The following SLC16A1 variants were observed in gnomAD, a reference collection of about 807,000 sequenced individuals.
SLC16A1 encodes the protein solute carrier family 16 member 1.
A neutral mutation model predicts 32.2 loss-of-function variants in SLC16A1; 11 were observed. That is an observed-to-expected ratio of 0.34 (90% CI 0.21 to 0.56). The LOEUF (loss-of-function observed/expected upper bound fraction) is 0.56. Among genes scored for constraint, SLC16A1 ranks in the 20% least tolerant of loss-of-function variants. SLC16A1 has a pLI of 0.87. For missense variants in SLC16A1, 435 were observed against 615.0 expected, an observed-to-expected ratio of 0.71 and a Z score of 3.10; for synonymous variants, 231 against 226.8, an observed-to-expected ratio of 1.02 and a Z score of -0.17.
intron 1 of SLC16A1, among the ~76,000 whole-genome samples, chr1:112,942,116 C>T (rs1014105126): frequency 2.0e-5 from 3 of 152,092 alleles, no homozygotes; most frequent in Non-Finnish European, 2.9e-5. Flanking sequence ...GGATTACAGG[C>T]GCGTGCCACC....
At chr1:112,934,323 C>A (rs971946610) in intron 1 of SLC16A1, among the ~76,000 whole-genome samples, 2 of 152,114 alleles carry the variant, frequency 1.3e-5, no homozygotes, top group Non-Finnish European at 2.9e-5. Context: ...CTGAAAAAAT[C>A]TGAAATCCAG....
rs1481020494 is a variant in SLC16A1, at chr1:112,912,859, T to C, written c.*1032A>G. 6.7e-6 allele frequency: 1 copy of C among 149,274 alleles called. No homozygotes were observed. The highest frequency in any genetic ancestry group is 1.9e-4 in the East Asian group (1 of 5,134). The allele number at this position is 149,274 out of a possible 1,614,324, so 9.2% of individuals were successfully genotyped here. ...ACCAAACACACACATATCTCACACA[T>C]AGCACTAAGCTAGAAGCAGATATAA... On this transcript the variant is annotated 3_prime_UTR_variant, in exon 5 of 5. Transcript: ENST00000369626.
intron 1 of SLC16A1, among the ~76,000 whole-genome samples, chr1:112,953,657 T>C (rs545456756): frequency 9.8e-4 from 150 of 152,354 alleles, no homozygotes; most frequent in African/African-American, 3.4e-3. Context: ...GACTTTTTTA[T>C]GCTTTAGCTT....
At chr1:112,925,941 G>T (rs543375876) in intron 2 of SLC16A1, among the ~76,000 whole-genome samples, 3 of 152,238 alleles carry the variant, frequency 2.0e-5, no homozygotes, top group East Asian at 3.9e-4. Context: ...AAAAGGATAG[G>T]CTGTAGCCCC....
At chr1:112,928,997 C>CT in intron 2 of SLC16A1, 95 bp downstream of exon 2, 1 of 890,188 alleles carries the variant, frequency 1.1e-6, no homozygotes, top group East Asian at 2.6e-5. Flanking sequence ...AAACATCTCA[C>CT]TGAATAAGAC....
At chr1:112,950,736 C>T (rs779214426) in intron 1 of SLC16A1, among the ~76,000 whole-genome samples, 68 of 152,210 alleles carry the variant, frequency 4.5e-4, no homozygotes, top group Non-Finnish European at 4.6e-4. Context: ...GTAGCTCACA[C>T]CTGTAATCCC....
chr1:112,943,541 A>G (rs553340135), intron 1 of SLC16A1, among the ~76,000 whole-genome samples: 25 of 152,158 alleles, frequency 1.6e-4, no homozygotes, highest in Non-Finnish European at 2.4e-4. Flanking sequence ...TAATCCCAGC[A>G]CTTTGGGAGG....
At chr1:112,943,726 T>C (rs1019433541) in intron 1 of SLC16A1, among the ~76,000 whole-genome samples, 1 of 144,856 alleles carries the variant, frequency 6.9e-6, no homozygotes, top group Non-Finnish European at 1.5e-5. Flanking sequence ...AGGCGGAGGT[T>C]GTGGTGAGCC....
intron 2 of SLC16A1, among the ~76,000 whole-genome samples, chr1:112,926,881 AAAATAAATAAAT>A (rs747249752): frequency 2.7e-5 from 4 of 148,282 alleles, no homozygotes; most frequent in East Asian, 3.9e-4. Flanking sequence ...ACCCTATCTC[AAAATAAATAAAT>A]AAATAAATAA....
intron 1 of SLC16A1, among the ~76,000 whole-genome samples, chr1:112,940,237 C>G (rs144760217): frequency 6.6e-6 from 1 of 151,666 alleles, no homozygotes. Flanking sequence ...GAAGTTTTGC[C>G]GTGTTTCACA....
chr1:112,950,059 C>A (rs1478276660), intron 1 of SLC16A1, among the ~76,000 whole-genome samples: 7 of 152,160 alleles, frequency 4.6e-5, no homozygotes, highest in Admixed American at 4.6e-4. Context: ...GACAAAGTCA[C>A]AGGTACTGCT....
chr1:112,924,289 C>T, intron 2 of SLC16A1: 1 of 1,434,342 alleles, frequency 7.0e-7, no homozygotes, highest in South Asian at 1.1e-5. Context: ...GTTGTGGAGG[C>T]CTTTAATCAA....
chr1:112,934,239 T>C (rs953226061), intron 1 of SLC16A1, among the ~76,000 whole-genome samples: 1 of 152,230 alleles, frequency 6.6e-6, no homozygotes, highest in Non-Finnish European at 1.5e-5. Flanking sequence ...AAAATACTCA[T>C]TGGAACATTT....
chr1:112,916,518 A>C (rs1174803884), intron 4 of SLC16A1, among the ~76,000 whole-genome samples: 3 of 151,286 alleles, frequency 2.0e-5, no homozygotes, highest in Admixed American at 2.0e-4. Flanking sequence ...AAAAAAAAAA[A>C]AAAACTTATG....
At chr1:112,933,860 A>G (rs1298054976) in intron 1 of SLC16A1, among the ~76,000 whole-genome samples, 1 of 152,206 alleles carries the variant, frequency 6.6e-6, no homozygotes, top group African/African-American at 2.4e-5. Flanking sequence ...TGAGCCAGCC[A>G]TTACAGTGTC....
Position 112,913,262 on chromosome 1 carries a change from G to A in SLC16A1, c.*629C>T, listed in dbSNP as rs540946001. 284 of 153,994 alleles carry A rather than the reference G, an allele frequency of 1.8e-3. No homozygotes were observed. The highest frequency in any genetic ancestry group is 3.2e-3 in the Non-Finnish European group (218 of 69,190). 9.5% of individuals were successfully genotyped at this position (153,994 alleles called of 1,614,324 possible). ...CCTGAGAGGGGTTGACAAGTACACT[G>A]TGTCTAGAACAGCCAAGATGTTGCC... is the stretch of plus-strand genomic sequence containing the variant. On this transcript the variant is annotated 3_prime_UTR_variant, in exon 5 of 5. Coordinates refer to ENST00000369626, the MANE Select transcript of SLC16A1 (RefSeq NM_003051.4).
chr1:112,939,246 G>A (rs1649420674), intron 1 of SLC16A1, among the ~76,000 whole-genome samples: 1 of 152,186 alleles, frequency 6.6e-6, no homozygotes, highest in South Asian at 2.1e-4. Flanking sequence ...TGGTAAGGAT[G>A]TGGAGAAAAG....
intron 1 of SLC16A1, among the ~76,000 whole-genome samples, chr1:112,951,123 G>C (rs1174218502): frequency 6.6e-6 from 1 of 151,704 alleles, no homozygotes; most frequent in African/African-American, 2.4e-5. Context: ...ATGACACTAG[G>C]AACCAAACAT....
In SLC16A1 at chr1:112,912,407, G is replaced by A. The variant is rs1448392627; in HGVS notation, c.*1484C>T. ...AAGTCAGCCTCTTACACAAGGTTTT[G>A]TATCTATACTTTTACTCTGTCAATT... On this transcript the variant is annotated 3_prime_UTR_variant, in exon 5 of 5. Coordinates refer to ENST00000369626, the MANE Select transcript of SLC16A1 (RefSeq NM_003051.4). 6.6e-6 allele frequency: 1 copy of A among 152,130 alleles called. No individual in the cohort carries two copies. Among genetic ancestry groups the A allele is most frequent in the Non-Finnish European group, 1.5e-5 (1 of 68,016 alleles). The allele number at this position is 152,130 out of a possible 1,614,324, so 9.4% of individuals were successfully genotyped here.
Sources: allele counts gnomAD v4.1 joint callset (sites outside exome capture counted in the v4.1 genomes callset), GRCh38; gene constraint gnomAD v4.1.1; transcripts MANE v1.5; gene names NCBI Gene and HGNC (gene_info 2026-07-23, HGNC 2026-07-21).